Variants in KAT7 observed in about 807,000 individuals in gnomAD.
KAT7 encodes histone acetyltransferase KAT7.
In KAT7, 10 loss-of-function variants were observed where a neutral mutation model predicts 82.1. The ratio of observed to expected loss-of-function variants is 0.12; its 90% CI spans 0.08 to 0.21. The LOEUF is 0.21. Among genes scored for constraint, KAT7 ranks in the 10% least tolerant of loss-of-function variants. The probability of loss-of-function intolerance (pLI) is 1.00; values close to 1 mark genes in which losing one functional copy is unlikely to be tolerated. For synonymous variants in KAT7, 250 were observed against 262.5 expected (o/e 0.95, Z 0.46); for missense variants, 378 against 760.9 (o/e 0.50, Z 5.92).
In KAT7 at chr17:49,811,537, A is replaced by G; in HGVS notation, c.815A>G (p.Asn272Ser). 6.4e-7 allele frequency: 1 copy of G among 1,554,302 alleles called. No homozygotes were observed. The highest frequency in any genetic ancestry group is 8.7e-7 in the Non-Finnish European group (1 of 1,148,640). ...GTGGCTGAACTCAGGAAGAAAAGAAATTCTGGACTGAGCAAAGAACAGAAA... is the reference window on the plus strand; with the variant it reads ...GTGGCTGAACTCAGGAAGAAAAGAAGTTCTGGACTGAGCAAAGAACAGAAA... Reference protein sequence around the residue: ...EKVAELRKKRNSGLSKEQKEK... With the variant: ...EKVAELRKKRSSGLSKEQKEK... Residue 272 changes from asparagine (N) to serine (S), a missense_variant, in exon 7 of 15, where the codon AAT becomes AGT. Around this residue, in one of 6 missense-constraint regions of KAT7, gnomAD observed 102 missense variants for 129.8 expected, o/e 0.79. Coordinates refer to ENST00000259021, the MANE Select transcript of KAT7 (RefSeq NM_007067.5).
At chr17:49,791,424 A>G (rs1350576100) in intron 1 of KAT7, among the ~76,000 whole-genome samples, 7 of 152,138 alleles carry the variant, frequency 4.6e-5, no homozygotes, top group African/African-American at 1.7e-4. Flanking sequence ...TTGGGAGGCC[A>G]AGGCGGGTGG....
intron 7 of KAT7, 58 bp downstream of exon 7, chr17:49,811,632 T>G: frequency 2.3e-6 from 2 of 883,090 alleles, no homozygotes; most frequent in Non-Finnish European, 3.3e-6. Flanking sequence ...TTTGATTCCT[T>G]TTGCTTTCTG....
intron 5 of KAT7, 126 bp downstream of exon 5, chr17:49,805,571 G>A: frequency 3.7e-6 from 2 of 533,558 alleles, no homozygotes; most frequent in South Asian, 3.2e-5. Flanking sequence ...ACATTGTAGT[G>A]GAGGAAACAT....
intron 11 of KAT7, among the ~76,000 whole-genome samples, chr17:49,822,120 T>C (rs1466971056): frequency 6.6e-6 from 1 of 152,186 alleles, no homozygotes; most frequent in Non-Finnish European, 1.5e-5. Context: ...CTCTATGTTA[T>C]TAGCTTAAAA....
intron 8 of KAT7, among the ~76,000 whole-genome samples, chr17:49,816,350 G>T (rs1474035568): frequency 2.6e-5 from 4 of 152,156 alleles, no homozygotes; most frequent in Non-Finnish European, 4.4e-5. Context: ...AATGGAAAAG[G>T]CTGTTGTCAG....
chr17:49,824,119 T>C (rs1347951987), intron 12 of KAT7, among the ~76,000 whole-genome samples: 1 of 152,222 alleles, frequency 6.6e-6, no homozygotes, highest in Non-Finnish European at 1.5e-5. Flanking sequence ...AGTTTATGTA[T>C]TGATGGTTGA....
chr17:49,820,756 T>C (rs2074293040), intron 9 of KAT7, among the ~76,000 whole-genome samples: 1 of 150,544 alleles, frequency 6.6e-6, no homozygotes, highest in Admixed American at 6.6e-5. Flanking sequence ...CCTTTTTTTT[T>C]TTTTTTTTTT....
At chr17:49,789,061 G>C (rs532297533) in intron 1 of KAT7, 11 of 421,618 alleles carry the variant, frequency 2.6e-5, no homozygotes, top group Admixed American at 4.4e-5. Context: ...CCCTCTGCTT[G>C]CCTGGATCGG....
chr17:49,802,767 C>G (rs1164263436), intron 4 of KAT7, among the ~76,000 whole-genome samples: 2 of 152,144 alleles, frequency 1.3e-5, no homozygotes, highest in Admixed American at 1.3e-4. Context: ...TCTCTGTCAC[C>G]TAGGCTGGAG....
chr17:49,822,804 ATT>A (rs77813135), intron 11 of KAT7, among the ~76,000 whole-genome samples: 2 of 150,014 alleles, frequency 1.3e-5, no homozygotes, highest in African/African-American at 4.9e-5. Context: ...ATTCAATGTG[ATT>A]TTTTTTTTAA....
Position 49,830,255 on chromosome 17 carries a change from A to T in KAT7, c.*2753A>T, listed in dbSNP as rs2074414440. On this transcript the variant is annotated 3_prime_UTR_variant, in exon 15 of 15. Coordinates refer to ENST00000259021, the MANE Select transcript of KAT7 (RefSeq NM_007067.5). ...ATCATCCAGTCCGGAATGCAGTGGC[A>T]TGATCTCAGCTCACTGCAATGTCTG... is the stretch of plus-strand genomic sequence containing the variant. 7.4e-6 allele frequency: 1 copy of T among 134,598 alleles called. No individual in the cohort carries two copies. The highest frequency in any genetic ancestry group is 1.5e-5 in the Non-Finnish European group (1 of 66,030). 8.3% of individuals were successfully genotyped at this position (134,598 alleles called of 1,614,324 possible). A position where few individuals can be genotyped will look rare whatever the true frequency, so the allele number is the denominator to read the frequency against.
At chr17:49,813,640 C>A (rs1357128420) in intron 7 of KAT7, among the ~76,000 whole-genome samples, 1 of 152,044 alleles carries the variant, frequency 6.6e-6, no homozygotes, top group Non-Finnish European at 1.5e-5. Flanking sequence ...TTTTTCTTGT[C>A]ATTATTTCTG....
chr17:49,813,421 A>T (rs1431572846), intron 7 of KAT7, among the ~76,000 whole-genome samples: 1 of 151,848 alleles, frequency 6.6e-6, no homozygotes, highest in East Asian at 1.9e-4. Flanking sequence ...ATAGAATTGG[A>T]ATGTTTTCTT....
intron 4 of KAT7, among the ~76,000 whole-genome samples, chr17:49,802,175 A>G (rs916013605): frequency 1.3e-5 from 2 of 152,080 alleles, no homozygotes; most frequent in Non-Finnish European, 2.9e-5. Flanking sequence ...ATTGTTTCTC[A>G]TTTTTAGCTT....
chr17:49,792,194 CT>C (rs1468776736), intron 2 of KAT7, among the ~76,000 whole-genome samples, 161 bp downstream of exon 2: 1 of 152,212 alleles, frequency 6.6e-6, no homozygotes, highest in Non-Finnish European at 1.5e-5. Context: ...GTTGTCAGGT[CT>C]TTAACAATGC....
At chr17:49,797,277 A>G (rs2073969167) in intron 3 of KAT7, among the ~76,000 whole-genome samples, 1 of 151,980 alleles carries the variant, frequency 6.6e-6, no homozygotes, top group African/African-American at 2.4e-5. Flanking sequence ...GTTAGTCAGG[A>G]TGGTCTCGAT....
Position 49,789,263 on chromosome 17 carries a change from T to TG in KAT7, c.15+419dup, listed in dbSNP as rs899733285. 2.0e-4 allele frequency: 32 copies of TG among 162,482 alleles called. 1 individual carries two copies. Among genetic ancestry groups the TG allele is most frequent in the South Asian group, 5.0e-4 (3 of 5,956 alleles). The allele number at this position is 162,482 out of a possible 1,614,324, so 10.1% of individuals were successfully genotyped here. ...TGGTCGAGGTTGGCAGTCTGTCCTGTGGGGGCGCGGCTTAGGCGGACCTCG... is the reference window on the plus strand; with the variant it reads ...TGGTCGAGGTTGGCAGTCTGTCCTGTGGGGGGCGCGGCTTAGGCGGACCTCG... On this transcript the variant is annotated intron_variant, in intron 1 of 14. Coordinates refer to ENST00000259021, the MANE Select transcript of KAT7 (RefSeq NM_007067.5).
chr17:49,813,995 A>C (rs2074202561), intron 7 of KAT7, among the ~76,000 whole-genome samples: 1 of 151,714 alleles, frequency 6.6e-6, no homozygotes, highest in Non-Finnish European at 1.5e-5. Context: ...GGGTTCAAGC[A>C]ATTCTCCTGC....
At position 49,811,521 on chromosome 17, in the gene KAT7, C is replaced by A; in HGVS notation, c.799C>A (p.Leu267Ile). 6.4e-7 allele frequency: 1 copy of A among 1,552,628 alleles called. No homozygotes were observed. Among genetic ancestry groups the A allele is most frequent in the East Asian group, 2.4e-5 (1 of 42,528 alleles). Residue 267 changes from leucine (L) to isoleucine (I), a missense_variant, in exon 7 of 15, where the codon CTC becomes ATC. By Grantham distance (5) the Leu-to-Ile change is conservative. Transcript: ENST00000259021. The stretch of plus-strand genomic sequence containing the variant: ...TCGATATAAGGAAAAAGTGGCTGAA[C>A]TCAGGAAGAAAAGAAATTCTGGACT... Reference protein sequence around the residue: ...QLRYKEKVAELRKKRNSGLSK... With the variant: ...QLRYKEKVAEIRKKRNSGLSK...
Sources: gnomAD v4.1 joint callset for allele counts (sites outside exome capture counted in the v4.1 genomes callset) on GRCh38, gnomAD v4.1.1 for gene constraint, gnomAD v4.1.1 regional missense constraint, MANE v1.5 for transcripts, NCBI Gene and HGNC (gene_info 2026-07-23, HGNC 2026-07-21) for gene names.